The following MKS1 variants were observed in gnomAD, a reference collection of about 807,000 sequenced individuals.
The protein encoded by MKS1 is tectonic-like complex member MKS1.
A neutral mutation model predicts 83.7 loss-of-function variants in MKS1; 70 were observed. The ratio of observed to expected loss-of-function variants is 0.84; its 90% CI spans 0.69 to 1.02. The LOEUF is 1.02. Ranked by LOEUF, MKS1 falls within the 50% of genes least tolerant of loss-of-function variation. The pLI is 0.00. For missense variants in MKS1, 681 were observed against 726.9 expected (o/e 0.94, Z 0.73); for synonymous variants, 251 against 273.4 (o/e 0.92, Z 0.81).
intron 16 of MKS1, 41 bp downstream of exon 16, chr17:58,206,424 C>G: frequency 6.2e-7 from 1 of 1,614,076 alleles, no homozygotes; most frequent in Non-Finnish European, 8.5e-7. Context: ...CTCCACCCCT[C>G]AGGGCTAAGG....
intron 8 of MKS1, 100 bp downstream of exon 8, chr17:58,212,880 CAA>C: frequency 1.7e-6 from 2 of 1,176,916 alleles, no homozygotes; most frequent in Non-Finnish European, 2.5e-6. Context: ...CCATGAAGGG[CAA>C]GGCTTTTCCC....
intron 9 of MKS1, chr17:58,211,246 A>ACTG (rs1968857298): frequency 1.8e-6 from 1 of 571,126 alleles, no homozygotes; most frequent in East Asian, 3.1e-5. Flanking sequence ...GGCAGTGAGG[A>ACTG]CAATGCACTA....
At chr17:58,212,284 TTTGGGCCTTTA>T in intron 9 of MKS1, 83 bp downstream of exon 9, 2 of 1,405,778 alleles carry the variant, frequency 1.4e-6, no homozygotes, top group Non-Finnish European at 2.0e-6. Context: ...AGAGTATACC[TTTGGGCCTTTA>T]AGAGAGGTAG....
At position 58,216,030 on chromosome 17, in the gene MKS1, G is replaced by A. The variant is rs141946592; in HGVS notation, c.417+58C>T. 3.3e-5 allele frequency: 53 copies of A among 1,593,030 alleles called. No homozygotes were observed. The African/African-American group carries it at 6.6e-4, about 20-fold the overall frequency. On this transcript the variant is annotated intron_variant, in intron 4 of 17. Coordinates refer to ENST00000393119, the MANE Select transcript of MKS1 (RefSeq NM_017777.4). ...TGACATAACACACAGAACTCAGTGA[G>A]GCAAAAAAGCTAGAGGAAGCAAAGA...
At chr17:58,215,306 C>T (rs532224594) in intron 4 of MKS1, among the ~76,000 whole-genome samples, 1 of 152,106 alleles carries the variant, frequency 6.6e-6, no homozygotes, top group Non-Finnish European at 1.5e-5. Context: ...CTCACCCAGG[C>T]TGCAGTGCAG....
chr17:58,210,885 C>G, intron 10 of MKS1, 95 bp downstream of exon 10: 1 of 1,497,794 alleles, frequency 6.7e-7, no homozygotes, highest in African/African-American at 1.4e-5. Flanking sequence ...CCAAGTACAG[C>G]AGACAAGGCC....
chr17:58,211,108 G>A (rs1285690621), intron 9 of MKS1, 86 bp from the exon 10 acceptor site: 10 of 1,388,242 alleles, frequency 7.2e-6, no homozygotes, highest in East Asian at 4.6e-5. Context: ...ATCTGCAGAC[G>A]ACCTGCCACT....
chr17:58,214,784 G>T lies in MKS1; in HGVS notation c.472C>A (p.Arg158=). ...CGGCGACGCCTGACATTTGCCATTCGCTCGACCAAGAATGAAGGCACCTCG... is the reference window on the plus strand; with the variant it reads ...CGGCGACGCCTGACATTTGCCATTCTCTCGACCAAGAATGAAGGCACCTCG... ...ASEVPSFLVE[R]MANVRRRRQD... Residue 158 remains arginine, a synonymous_variant, in exon 5 of 18, where the codon CGA becomes AGA. Transcript: ENST00000393119. 1 of 1,606,940 alleles carries T rather than the reference G, an allele frequency of 6.2e-7. No homozygotes were observed.
At chr17:58,211,068 T>C (rs369322470) in intron 9 of MKS1, 46 bp from the exon 10 acceptor site, 10 of 1,590,852 alleles carry the variant, frequency 6.3e-6, no homozygotes, top group Middle Eastern at 1.7e-4. Flanking sequence ...CTGGAGGGAA[T>C]TGGCACTTCT....
At chr17:58,210,569 T>C in intron 11 of MKS1, 90 bp downstream of exon 11, 1 of 1,213,798 alleles carries the variant, frequency 8.2e-7, no homozygotes, top group South Asian at 1.2e-5. Context: ...AGTAACAGTT[T>C]CAGCAGAGGA....
At chr17:58,214,492 T>G in intron 5 of MKS1, 105 bp from the exon 6 acceptor site, 1 of 1,552,282 alleles carries the variant, frequency 6.4e-7, no homozygotes. Flanking sequence ...ACATACTGTT[T>G]TGTTTTGTTT....
At chr17:58,216,534 C>T in intron 3 of MKS1, 132 bp downstream of exon 3, 1 of 1,057,144 alleles carries the variant, frequency 9.5e-7, no homozygotes, top group Non-Finnish European at 1.4e-6. Flanking sequence ...TGTTACAATG[C>T]CCTTTAAACA....
At chr17:58,215,899 A>G (rs745585489) in intron 4 of MKS1, 189 bp downstream of exon 4, 2 of 685,080 alleles carry the variant, frequency 2.9e-6, no homozygotes, top group Non-Finnish European at 5.1e-6. Context: ...AGGGAGCAGC[A>G]GCCTCACCAC....
intron 9 of MKS1, among the ~76,000 whole-genome samples, chr17:58,211,789 C>G (rs1968892125): frequency 7.0e-6 from 1 of 143,158 alleles, no homozygotes; most frequent in South Asian, 2.2e-4. Context: ...TGCTCTCAAA[C>G]TCCTGGCTTC....
chr17:58,210,981 G>C lies in MKS1; in HGVS notation c.957C>G (p.Val319=). The C allele has an allele frequency of 6.2e-7, 1 of 1,613,860 alleles. No homozygotes were observed. The stretch of plus-strand genomic sequence containing the variant: ...GATCTATGCTAGCAAGACACTTACC[G>C]ACCTCTCCATTTACAAAGAGCCGGA... ...GALRLFVNGE[V]VSAQGYEYDN... Residue 319 remains valine (V), a splice_region_variant and synonymous_variant, in exon 10 of 18, where the codon GTC becomes GTG. Transcript: ENST00000393119.
intron 1 of MKS1, 141 bp downstream of exon 1, chr17:58,219,010 C>G (rs1969429874): frequency 2.4e-6 from 3 of 1,234,758 alleles, no homozygotes; most frequent in Non-Finnish European, 3.4e-6. Flanking sequence ...GATGGGGGTA[C>G]GGATAGTGAA....
chr17:58,216,188 T>C lies in MKS1; in HGVS notation c.317A>G (p.Gln106Arg), dbSNP rs1258822362. Reference sequence around the variant, plus strand: ...CAGCTTCAGGATCTCCTGACGGTACTGATAATCCAAAGGACTCTGACAGGC... The same window carrying C: ...CAGCTTCAGGATCTCCTGACGGTACCGATAATCCAAAGGACTCTGACAGGC... ...ETACQSPLDY[Q>R]YRQEILKLEN... The change falls in exon 4 of 18, where the codon CAG becomes CGG. Residue 106 changes from glutamine (Q) to arginine (R), a missense_variant. Gln to Arg is a conservative substitution (Grantham distance 43). Transcript: ENST00000393119. 1.2e-6 allele frequency: 2 copies of C among 1,614,130 alleles called. No individual in the cohort carries two copies. Among genetic ancestry groups the C allele is most frequent in the Non-Finnish European group, 1.7e-6 (2 of 1,180,008 alleles).
chr17:58,216,075 G>A lies in MKS1; in HGVS notation c.417+13C>T. 1.2e-6 allele frequency: 2 copies of A among 1,614,042 alleles called. No homozygotes were observed. Among genetic ancestry groups the A allele is most frequent in the Middle Eastern group, 1.7e-4 (1 of 6,060 alleles). On this transcript the variant is annotated intron_variant, in intron 4 of 17. Transcript: ENST00000393119. Reference sequence around the variant, plus strand: ...CAAAGATGGAAGCTATGAGACCCTAGAAAGAACAATACCTCCTCCAAATTG... The same window carrying A: ...CAAAGATGGAAGCTATGAGACCCTAAAAAGAACAATACCTCCTCCAAATTG...
chr17:58,210,688 A>G lies in MKS1; in HGVS notation c.995T>C (p.Val332Ala). 1 of 1,614,158 alleles carries G rather than the reference A, an allele frequency of 6.2e-7. No individual in the cohort carries two copies. Among genetic ancestry groups the G allele is most frequent in the Non-Finnish European group, 8.5e-7 (1 of 1,179,984 alleles). Residue 332 changes from valine (V) to alanine (A), a missense_variant, in exon 11 of 18, where the codon GTC (valine) becomes GCC (alanine). This residue lies in a region of MKS1 where 310 missense variants were observed against 321.7 expected (regional missense o/e 0.96). Coordinates refer to ENST00000393119, the MANE Select transcript of MKS1 (RefSeq NM_017777.4). ...AGTTGGCAATTCTACAAAGAAGTGG[A>G]CGTAGAGATTGTCATACTCATAGCC... ...AQGYEYDNLY[V>A]HFFVELPTAH...
Sources: allele counts gnomAD v4.1 joint callset (sites outside exome capture counted in the v4.1 genomes callset), GRCh38; gene constraint gnomAD v4.1.1; regional missense constraint gnomAD v4.1.1; transcripts MANE v1.5; gene names NCBI Gene and HGNC (gene_info 2026-07-23, HGNC 2026-07-21).